MALRD1: variants seen among roughly 807,000 people sequenced by gnomAD.
MALRD1 encodes the protein MAM and LDL-receptor class A domain-containing protein 1.
MALRD1 carries 247 observed loss-of-function variants against 242.1 expected under a neutral mutation model. The observed-to-expected ratio is 1.02, with a 90% CI of 0.92 to 1.13. MALRD1 has a LOEUF of 1.13. MALRD1 is among the 50% of genes most tolerant of loss of function. MALRD1 has a pLI of 0.00. For missense variants in MALRD1, 2,989 were observed against 2,533.1 expected (o/e 1.18, Z -3.86); for synonymous variants, 995 against 866.6 (o/e 1.15, Z -2.60).
intron 38 of MALRD1, 169 bp from the exon 39 acceptor site, chr10:19,730,537 A>C (rs767115156): frequency 1.1e-5 from 8 of 758,164 alleles, no homozygotes; most frequent in Non-Finnish European, 2.2e-6. Flanking sequence ...GGTGTCCTGC[A>C]AAAAATAAAA....
chr10:19,337,191 A>G (rs1320595208), intron 24 of MALRD1, among the ~76,000 whole-genome samples: 4 of 152,170 alleles, frequency 2.6e-5, no homozygotes, highest in Non-Finnish European at 5.9e-5. Context: ...GTATATAAGT[A>G]AGCTAGACAA....
At chr10:19,081,194 A>G (rs1324409575) in intron 2 of MALRD1, among the ~76,000 whole-genome samples, 1 of 152,170 alleles carries the variant, frequency 6.6e-6, no homozygotes, top group East Asian at 1.9e-4. Context: ...ACCATTGTGG[A>G]AGACAGTGTG....
chr10:19,401,411 G>A (rs1354329334), intron 28 of MALRD1, among the ~76,000 whole-genome samples: 2 of 152,200 alleles, frequency 1.3e-5, no homozygotes, highest in South Asian at 2.1e-4. Flanking sequence ...ATGGAAATTA[G>A]CAGTTTGTAT....
chr10:19,706,846 C>T (rs1422328652), intron 38 of MALRD1, among the ~76,000 whole-genome samples: 1 of 152,056 alleles, frequency 6.6e-6, no homozygotes, highest in African/African-American at 2.4e-5. Context: ...CACCTTGAGA[C>T]AGGAAAAATA....
chr10:19,181,586 C>T (rs1231310162), intron 14 of MALRD1, among the ~76,000 whole-genome samples: 3 of 151,950 alleles, frequency 2.0e-5, no homozygotes, highest in Non-Finnish European at 2.9e-5. Context: ...TCGGAGGATA[C>T]GATGTAACAG....
chr10:19,129,803 A>C (rs1037332733), intron 8 of MALRD1, among the ~76,000 whole-genome samples: 3 of 149,106 alleles, frequency 2.0e-5, no homozygotes, highest in African/African-American at 7.3e-5. Flanking sequence ...CCAGATTTAT[A>C]TGATTCACAT....
intron 36 of MALRD1, among the ~76,000 whole-genome samples, chr10:19,642,793 T>G (rs777520344): frequency 4.2e-4 from 64 of 152,056 alleles, no homozygotes; most frequent in Non-Finnish European, 7.1e-4. Flanking sequence ...TCAAAGATTA[T>G]TGCATCTATG....
chr10:19,088,536 C>CTTTTTTTTT (rs748953378), intron 4 of MALRD1, among the ~76,000 whole-genome samples: 16 of 110,010 alleles, frequency 1.5e-4, no homozygotes, highest in East Asian at 5.1e-4. Context: ...CTCTTTCTTT[C>CTTTTTTTTT]TTTTTTTTTT....
In MALRD1 at chr10:19,171,721, C is replaced by T. The variant is rs190699642; in HGVS notation, c.1831-3487C>T. Among the ~76,000 whole-genome samples the T allele has an allele frequency of 7.2e-5, 9 of 125,760 alleles. No homozygotes were observed. The East Asian group carries it at 1.0e-3, about 14-fold the overall frequency. The allele number at this position is 125,760 out of a possible 152,430, so 82.5% of individuals were successfully genotyped here. A position where few individuals can be genotyped will look rare whatever the true frequency, so the allele number is the denominator to read the frequency against. On this transcript the variant is annotated intron_variant, in intron 13 of 39. Transcript: ENST00000454679. ...GTGTGTGTATATATACGTATATACA[C>T]GTATATACGTATATATATCATATAA...
At chr10:19,522,710 C>G (rs1833935901) in intron 31 of MALRD1, among the ~76,000 whole-genome samples, 1 of 151,972 alleles carries the variant, frequency 6.6e-6, no homozygotes, top group African/African-American at 2.4e-5. Context: ...ATTATTATCC[C>G]CATTTGATAG....
At chr10:19,382,776 T>C (rs556879485) in intron 26 of MALRD1, among the ~76,000 whole-genome samples, 29 of 152,266 alleles carry the variant, frequency 1.9e-4, no homozygotes, top group African/African-American at 7.0e-4. Flanking sequence ...GTTAGTATAC[T>C]AGAATGTTTA....
At position 19,387,645 on chromosome 10, in the gene MALRD1, C is replaced by T. The variant is rs1368699873; in HGVS notation, c.4559C>T (p.Ser1520Phe). Residue 1520 changes from serine to phenylalanine, a missense_variant, in exon 27 of 40, where the codon TCC (serine) becomes TTC (phenylalanine). Coordinates refer to ENST00000454679, the MANE Select transcript of MALRD1 (RefSeq NM_001142308.3). ...ACTGATGAAAATGAGTGTGGTAGCT[C>T]CTGTACTTTTGAAAAAGGCTGGTGT... is the stretch of plus-strand genomic sequence containing the variant. ...DNTDENECGS[S>F]CTFEKGWCGW... 6.5e-7 allele frequency: 1 copy of T among 1,550,266 alleles called. No homozygotes were observed. The highest frequency in any genetic ancestry group is 8.7e-7 in the Non-Finnish European group (1 of 1,146,864).
chr10:19,283,250 CCCA>C lies in MALRD1; in HGVS notation c.3419+75_3419+77del, dbSNP rs142223118. ...ATTAAGCATCTCCCAAATTTCTGCC[CCCA>C]CCACCTTATCCTAGGCCAATGCTAC... is the stretch of plus-strand genomic sequence containing the variant. On this transcript the variant is annotated intron_variant, in intron 21 of 39. Coordinates refer to ENST00000454679, the MANE Select transcript of MALRD1 (RefSeq NM_001142308.3). The C allele has an allele frequency of 2.1e-3, 2,646 of 1,278,038 alleles. 29 individuals carry two copies. In the African/African-American group the frequency reaches 0.031, roughly 15 times the overall value. The allele number at this position is 1,278,038 out of a possible 1,614,324, so 79.2% of individuals were successfully genotyped here.
At chr10:19,343,421 G>T (rs11009524) in intron 24 of MALRD1, among the ~76,000 whole-genome samples, 6 of 151,794 alleles carry the variant, frequency 4.0e-5, no homozygotes, top group Admixed American at 3.9e-4. Context: ...ATAAATTTGT[G>T]TAAAGCATCA....
At chr10:19,716,362 G>A (rs1032242855) in intron 38 of MALRD1, among the ~76,000 whole-genome samples, 1 of 152,124 alleles carries the variant, frequency 6.6e-6, no homozygotes. Flanking sequence ...TCTACTGATA[G>A]TGAGTGAGTT....
intron 18 of MALRD1, among the ~76,000 whole-genome samples, chr10:19,222,807 A>G (rs192974417): frequency 2.0e-5 from 3 of 152,238 alleles, no homozygotes; most frequent in Admixed American, 2.0e-4. Context: ...CTTGCTTTAT[A>G]TTGATGACAC....
In MALRD1 at chr10:19,058,179, C is replaced by T. The variant is rs1033569078; in HGVS notation, c.200-8540C>T. Among the ~76,000 whole-genome samples the T allele has an allele frequency of 5.3e-5, 8 of 152,112 alleles. No homozygotes were observed. The East Asian group carries it at 5.8e-4, about 11-fold the overall frequency. On this transcript the variant is annotated intron_variant, in intron 1 of 39. Coordinates refer to ENST00000454679, the MANE Select transcript of MALRD1 (RefSeq NM_001142308.3). ...GAGGCTTAGACTAGGTAAAAGAAAA[C>T]GCCAGAGGACACAGAGCTGTTCCAT...
chr10:19,396,782 A>G (rs1846601221), intron 28 of MALRD1, among the ~76,000 whole-genome samples: 2 of 152,240 alleles, frequency 1.3e-5, no homozygotes, highest in African/African-American at 4.8e-5. Context: ...TATTCCACAC[A>G]TGTTACAGAG....
At chr10:19,347,690 G>T (rs564117117) in intron 24 of MALRD1, 81 bp from the exon 25 acceptor site, 1 of 1,434,360 alleles carries the variant, frequency 7.0e-7, no homozygotes, top group Admixed American at 2.1e-5. Flanking sequence ...GATACAGCAA[G>T]ATCACTGCAG....
Sources: gnomAD v4.1 joint callset for allele counts (sites outside exome capture counted in the v4.1 genomes callset) on GRCh38, gnomAD v4.1.1 for gene constraint, MANE v1.5 for transcripts, NCBI Gene and HGNC (gene_info 2026-07-23, HGNC 2026-07-21) for gene names.